DHX35: variants seen among roughly 807,000 people sequenced by gnomAD.
The protein encoded by DHX35 is DEAH-box helicase 35.
DHX35 carries 84 observed loss-of-function variants against 99.6 expected under a neutral mutation model. The observed-to-expected ratio is 0.84, with a 90% CI of 0.71 to 1.01. The LOEUF is 1.01. Ranked by LOEUF, DHX35 falls within the 50% of genes least tolerant of loss-of-function variation. DHX35 has a pLI of 0.00. For synonymous variants in DHX35, 331 were observed against 316.2 expected (o/e 1.05, Z -0.50); for missense variants, 852 against 888.5 (o/e 0.96, Z 0.52).
At position 39,012,968 on chromosome 20, in the gene DHX35, C is replaced by T. The variant is rs372231968; in HGVS notation, c.1348-1912C>T. Among the ~76,000 whole-genome samples, 26 of 151,808 alleles carry T rather than the reference C, an allele frequency of 1.7e-4. 1 individual carries two copies. The highest frequency in any genetic ancestry group is 4.8e-4 in the African/African-American group (20 of 41,380). On this transcript the variant is annotated intron_variant, in intron 13 of 21. Coordinates refer to ENST00000252011, the MANE Select transcript of DHX35 (RefSeq NM_021931.4). ...GACTTTCTGACAACATTTAATGAGC[C>T]GTAGAAATGTCTGCTATTTCTTCTC...
intron 9 of DHX35, 33 bp from the exon 10 acceptor site, chr20:39,002,739 C>A: frequency 6.4e-7 from 1 of 1,570,220 alleles, no homozygotes; most frequent in Non-Finnish European, 8.8e-7. Context: ...TGAGCATATT[C>A]TAGTGATGAA....
chr20:38,979,827 AT>A (rs11476490), intron 3 of DHX35, among the ~76,000 whole-genome samples: 31,212 of 143,292 alleles, frequency 0.22, 3,495 homozygotes, highest in Middle Eastern at 0.33. Context: ...AACCTAGATG[AT>A]TTTTTTTTTT....
At chr20:39,034,428 G>A (rs78450904) in intron 21 of DHX35, 111 bp downstream of exon 21, 11,891 of 846,572 alleles carry the variant, frequency 0.014, 130 homozygotes, top group Middle Eastern at 0.05. Flanking sequence ...CCCTAGGGGT[G>A]CATAGGGTGG....
At chr20:39,013,104 G>C (rs375139989) in intron 13 of DHX35, among the ~76,000 whole-genome samples, 1 of 151,294 alleles carries the variant, frequency 6.6e-6, no homozygotes, top group Non-Finnish European at 1.5e-5. Context: ...GAAAATTATC[G>C]TAAAACTTTT....
rs555551403 is a variant in DHX35, at chr20:39,037,149, G to A, written c.2068-1350G>A. Among the ~76,000 whole-genome samples the A allele has an allele frequency of 3.3e-5, 5 of 152,256 alleles. No individual in the cohort carries two copies. The East Asian group carries it at 9.6e-4, about 29-fold the overall frequency. ...AAAATGGCCCCACAGGCACAATGGC[G>A]TCATCTCCCATCCCCAAGCTAAGGC... is the stretch of plus-strand genomic sequence containing the variant. On this transcript the variant is annotated intron_variant, in intron 21 of 21. Transcript: ENST00000252011.
At chr20:38,985,149 G>C (rs568206976) in intron 4 of DHX35, among the ~76,000 whole-genome samples, 178 of 152,152 alleles carry the variant, frequency 1.2e-3, no homozygotes, top group Non-Finnish European at 1.5e-3. Context: ...TTGGGAGGCC[G>C]AGGCAAGAGG....
At chr20:39,024,097 C>G (rs1478819554) in intron 17 of DHX35, among the ~76,000 whole-genome samples, 1 of 152,226 alleles carries the variant, frequency 6.6e-6, no homozygotes, top group African/African-American at 2.4e-5. Flanking sequence ...ATAGGAAGTT[C>G]TGTTACATTT....
rs146914754 is a variant in DHX35, at chr20:38,997,719, G to A, written c.642+2839G>A. Among the ~76,000 whole-genome samples, 35 of 152,200 alleles carry A rather than the reference G, an allele frequency of 2.3e-4. No homozygotes were observed. In the East Asian group the frequency reaches 6.2e-3, roughly 27 times the overall value. On this transcript the variant is annotated intron_variant, in intron 8 of 21. Transcript: ENST00000252011. ...TCATCTCTGTGTGGGTTGTGGGTCC[G>A]TGTGTGAGGGGCCTACGTGAGGTAT... is the stretch of plus-strand genomic sequence containing the variant.
intron 4 of DHX35, among the ~76,000 whole-genome samples, chr20:38,986,661 A>G (rs868475970): frequency 1.3e-5 from 2 of 152,202 alleles, no homozygotes; most frequent in African/African-American, 2.4e-5. Flanking sequence ...TAATATAACG[A>G]CATGTAGGGT....
chr20:39,034,185 C>A, intron 20 of DHX35, 21 bp from the exon 21 acceptor site: 1 of 1,565,290 alleles, frequency 6.4e-7, no homozygotes, highest in Non-Finnish European at 8.8e-7. Flanking sequence ...GAAATTAGCT[C>A]ATGTTTCTTT....
chr20:39,006,253 T>C lies in DHX35; in HGVS notation c.1119T>C (p.Ala373=). 1.2e-6 allele frequency: 2 copies of C among 1,614,170 alleles called. No individual in the cohort carries two copies. The highest frequency in any genetic ancestry group is 1.7e-6 in the Non-Finnish European group (2 of 1,180,026). ...TCCGAGCCTACAATCCCAGGACAGCTATTGAATGCTTGGTGGTGGTGCCAG... is the reference window on the plus strand; with the variant it reads ...TCCGAGCCTACAATCCCAGGACAGCCATTGAATGCTTGGTGGTGGTGCCAG... ...VKLRAYNPRT[A]IECLVVVPVS... The change falls in exon 12 of 22, where the codon GCT becomes GCC. Residue 373 remains alanine, a synonymous_variant. Transcript: ENST00000252011.
Position 39,006,216 on chromosome 20 carries a change from G to C in DHX35, c.1082G>C (p.Gly361Ala). Reference protein sequence around the residue: ...ISGIVYVIDCGFVKLRAYNPR... With the variant: ...ISGIVYVIDCAFVKLRAYNPR... Reference sequence around the variant, plus strand: ...GGCATTGTGTATGTGATCGACTGTGGCTTTGTGAAACTCCGAGCCTACAAT... The same window carrying C: ...GGCATTGTGTATGTGATCGACTGTGCCTTTGTGAAACTCCGAGCCTACAAT... The change falls in exon 12 of 22, where the codon GGC becomes GCC. Residue 361 changes from glycine to alanine, a missense_variant. By Grantham distance (60) the Gly-to-Ala change is moderately conservative. Coordinates refer to ENST00000252011, the MANE Select transcript of DHX35 (RefSeq NM_021931.4). The C allele has an allele frequency of 6.2e-7, 1 of 1,614,152 alleles. No individual in the cohort carries two copies. The highest frequency in any genetic ancestry group is 8.5e-7 in the Non-Finnish European group (1 of 1,180,038).
chr20:38,972,839 T>G (rs186196408), intron 3 of DHX35, among the ~76,000 whole-genome samples, 188 bp downstream of exon 3: 44 of 152,380 alleles, frequency 2.9e-4, no homozygotes, highest in Non-Finnish European at 3.7e-4. Flanking sequence ...AGTAACAGTT[T>G]GTCTTCGATT....
chr20:38,967,042 G>C (rs899663543), intron 1 of DHX35, among the ~76,000 whole-genome samples: 1 of 152,134 alleles, frequency 6.6e-6, no homozygotes, highest in African/African-American at 2.4e-5. Flanking sequence ...TGGCCATCTT[G>C]AACCTCTGAA....
rs1163560933 is a variant in DHX35 at position 39,039,391 on chromosome 20, G to GT, written c.*851dup. On this transcript the variant is annotated 3_prime_UTR_variant, in exon 22 of 22. Coordinates refer to ENST00000252011, the MANE Select transcript of DHX35 (RefSeq NM_021931.4). ...ACATCACTGGTGTATTTGTTTTTTT[G>GT]TTTGTTTGCTTGGGTTCTTGCAAGA... is the stretch of plus-strand genomic sequence containing the variant. The GT allele has an allele frequency of 1.3e-5, 2 of 152,512 alleles. No homozygotes were observed. The highest frequency in any genetic ancestry group is 4.8e-5 in the African/African-American group (2 of 41,396). 9.4% of individuals were successfully genotyped at this position (152,512 alleles called of 1,614,324 possible).
chr20:39,006,021 T>A (rs4812351), intron 11 of DHX35, 125 bp from the exon 12 acceptor site: 132,814 of 1,071,974 alleles, frequency 0.12, 9,535 homozygotes, highest in East Asian at 0.27. Flanking sequence ...GTCTTTCTAG[T>A]ATATTAAACT....
At position 39,000,003 on chromosome 20, in the gene DHX35, A is replaced by T. The variant is rs114381252; in HGVS notation, c.643-1727A>T. ...ACCTCACAGCAACCTTGCAGGGTGG[A>T]TAGCAGTTTGTCCATTTTGCAGATG... On this transcript the variant is annotated intron_variant, in intron 8 of 21. Coordinates refer to ENST00000252011, the MANE Select transcript of DHX35 (RefSeq NM_021931.4). Among the ~76,000 whole-genome samples the T allele has an allele frequency of 6.2e-3, 938 of 152,308 alleles. 12 individuals carry two copies. The highest frequency in any genetic ancestry group is 0.019 in the African/African-American group (807 of 41,562).
intron 3 of DHX35, chr20:38,977,884 T>G (rs1280088163): frequency 1.7e-6 from 1 of 574,648 alleles, no homozygotes; most frequent in East Asian, 3.8e-5. Flanking sequence ...TTGTATAGCT[T>G]TCTTTACTGG....
At chr20:38,991,996 G>A (rs1180412866) in intron 6 of DHX35, among the ~76,000 whole-genome samples, 1 of 152,156 alleles carries the variant, frequency 6.6e-6, no homozygotes, top group Non-Finnish European at 1.5e-5. Context: ...CTCTTTGACT[G>A]TTGTTATAGC....
Sources: gnomAD v4.1 joint callset for allele counts (sites outside exome capture counted in the v4.1 genomes callset) on GRCh38, gnomAD v4.1.1 for gene constraint, MANE v1.5 for transcripts, NCBI Gene and HGNC (gene_info 2026-07-23, HGNC 2026-07-21) for gene names.